Variants in CFDP1 observed in about 807,000 individuals in gnomAD.
CFDP1 encodes heterochromatin-stabilizing protein CFDP1.
CFDP1 carries 31 observed loss-of-function variants against 40.1 expected under a neutral mutation model. The observed-to-expected ratio is 0.77, with a 90% CI of 0.58 to 1.04. The LOEUF is 1.04. CFDP1 is among the 50% of genes least tolerant of loss of function. The probability of loss-of-function intolerance (pLI) is 0.00; values close to 1 mark genes in which losing one functional copy is unlikely to be tolerated. For missense variants in CFDP1, 423 were observed against 343.4 expected (o/e 1.23, Z -1.83); for synonymous variants, 167 against 120.0 (o/e 1.39, Z -2.56).
chr16:75,324,174 A>G (rs768229504), intron 5 of CFDP1, among the ~76,000 whole-genome samples: 1 of 152,146 alleles, frequency 6.6e-6, no homozygotes, highest in Non-Finnish European at 1.5e-5. Context: ...ACCATTACAC[A>G]GGAAGTGCAG....
At chr16:75,390,555 A>G (rs998250541) in intron 5 of CFDP1, among the ~76,000 whole-genome samples, 4 of 151,768 alleles carry the variant, frequency 2.6e-5, no homozygotes, top group Non-Finnish European at 5.9e-5. Flanking sequence ...GGAGTTGAGC[A>G]CTCTCTCTCT....
chr16:75,336,842 A>C (rs1226159309), intron 5 of CFDP1, among the ~76,000 whole-genome samples: 1 of 152,232 alleles, frequency 6.6e-6, no homozygotes, highest in African/African-American at 2.4e-5. Flanking sequence ...TTGTCATTTA[A>C]ATTTGTCTCT....
chr16:75,410,908 CAAAAAAAAAA>C (rs74355496), intron 4 of CFDP1, among the ~76,000 whole-genome samples: 3 of 62,592 alleles, frequency 4.8e-5, no homozygotes, highest in East Asian at 1.1e-3. Context: ...GACTCTGTCT[CAAAAAAAAAA>C]AAAAAAAAGA....
chr16:75,401,852 A>T (rs977569291), intron 4 of CFDP1, among the ~76,000 whole-genome samples: 1 of 37,380 alleles, frequency 2.7e-5, no homozygotes, highest in Non-Finnish European at 8.8e-5. Flanking sequence ...TGAACATATA[A>T]AAAAAAATAT....
intron 1 of CFDP1, among the ~76,000 whole-genome samples, chr16:75,429,927 C>T (rs921769767): frequency 6.6e-6 from 1 of 152,082 alleles, no homozygotes; most frequent in African/African-American, 2.4e-5. Context: ...CCTGAGAGCA[C>T]GCGCCCAAGG....
intron 6 of CFDP1, among the ~76,000 whole-genome samples, chr16:75,302,303 C>G (rs2078226684): frequency 6.6e-6 from 1 of 152,014 alleles, no homozygotes; most frequent in African/African-American, 2.4e-5. Context: ...CTCTTTCACC[C>G]AAGCTGAAAT....
chr16:75,390,302 G>A (rs1459335078), intron 5 of CFDP1, among the ~76,000 whole-genome samples: 1 of 152,206 alleles, frequency 6.6e-6, no homozygotes, highest in Non-Finnish European at 1.5e-5. Flanking sequence ...ACTCCACTGA[G>A]CCCTCTTCTC....
Position 75,395,130 on chromosome 16 carries a change from T to C in CFDP1, c.610A>G (p.Asn204Asp), listed in dbSNP as rs145857741. ...AGTGATGGCAGAGCTGAAGGAACAT[T>C]AGCCTGTGGTTTTTCTTTCTCATTC... ...KQNEKEKPQANVPSALPSLPA... is the reference protein window; with the variant it reads ...KQNEKEKPQADVPSALPSLPA... Residue 204 changes from asparagine to aspartate, a missense_variant, in exon 5 of 7, where the codon AAT (asparagine) becomes GAT (aspartate). Coordinates refer to ENST00000283882, the MANE Select transcript of CFDP1 (RefSeq NM_006324.3). 2.7e-4 allele frequency: 428 copies of C among 1,614,000 alleles called. No homozygotes were observed. The highest frequency in any genetic ancestry group is 1.5e-3 in the Middle Eastern group (9 of 6,060).
intron 5 of CFDP1, among the ~76,000 whole-genome samples, chr16:75,325,831 T>C (rs778367369): frequency 2.0e-5 from 3 of 152,230 alleles, no homozygotes; most frequent in Non-Finnish European, 2.9e-5. Flanking sequence ...AGCTAGGTTT[T>C]CTACAGGGGA....
chr16:75,316,354 A>T (rs1597326396), intron 5 of CFDP1, among the ~76,000 whole-genome samples: 1 of 152,228 alleles, frequency 6.6e-6, no homozygotes, highest in African/African-American at 2.4e-5. Context: ...GCCTCACTCT[A>T]TAACGTCTTC....
At chr16:75,302,426 G>A (rs1362230960) in intron 6 of CFDP1, among the ~76,000 whole-genome samples, 1 of 152,096 alleles carries the variant, frequency 6.6e-6, no homozygotes, top group Non-Finnish European at 1.5e-5. Flanking sequence ...TCCAACTAAT[G>A]TTTTTGATTT....
intron 6 of CFDP1, among the ~76,000 whole-genome samples, chr16:75,297,152 GTGTGTGTGTGTGTC>G (rs1228508213): frequency 0.023 from 3,190 of 141,690 alleles, 92 homozygotes; most frequent in South Asian, 0.053. Context: ...TTTCTTGTGT[GTGTGTGTGTGTGTC>G]TGTGTGTGTG....
chr16:75,341,203 A>C (rs2078524416), intron 5 of CFDP1, among the ~76,000 whole-genome samples: 2 of 152,122 alleles, frequency 1.3e-5, no homozygotes, highest in South Asian at 4.1e-4. Flanking sequence ...ATGAATTTTT[A>C]TGTAAATGTT....
chr16:75,315,468 T>C (rs1329674931), intron 5 of CFDP1, among the ~76,000 whole-genome samples: 1 of 152,056 alleles, frequency 6.6e-6, no homozygotes. Flanking sequence ...TTCTTCTTTG[T>C]TTTTGTAACC....
chr16:75,384,979 A>G (rs1184954483), intron 5 of CFDP1, among the ~76,000 whole-genome samples: 1 of 148,562 alleles, frequency 6.7e-6, no homozygotes, highest in Non-Finnish European at 1.5e-5. Flanking sequence ...TATACAATAT[A>G]TATGTATATA....
At position 75,414,690 on chromosome 16, in the gene CFDP1, C is replaced by G; in HGVS notation, c.70G>C (p.Glu24Gln). The change falls in exon 2 of 7, where the codon GAG (glutamate) becomes CAG (glutamine). Residue 24 changes from glutamate (E) to glutamine (Q), a missense_variant. Coordinates refer to ENST00000283882, the MANE Select transcript of CFDP1 (RefSeq NM_006324.3). ...EDEDYVPSGG[E>Q]YSEDDVNELV... is the part of the protein sequence containing the mutation. Reference sequence around the variant, plus strand: ...TCATTTACATCATCTTCACTATACTCTCCACCTGAAATCACATAACAGGGT... The same window carrying G: ...TCATTTACATCATCTTCACTATACTGTCCACCTGAAATCACATAACAGGGT... 1 of 1,597,530 alleles carries G rather than the reference C, an allele frequency of 6.3e-7. No homozygotes were observed. The highest frequency in any genetic ancestry group is 8.6e-7 in the Non-Finnish European group (1 of 1,165,228).
chr16:75,411,508 G>T (rs539263185), intron 4 of CFDP1, among the ~76,000 whole-genome samples: 41 of 152,292 alleles, frequency 2.7e-4, no homozygotes, highest in African/African-American at 9.1e-4. Context: ...TGCAGTCAAG[G>T]AGAGTAATAA....
intron 5 of CFDP1, among the ~76,000 whole-genome samples, chr16:75,370,169 T>G (rs929254239): frequency 4.6e-5 from 7 of 151,934 alleles, no homozygotes; most frequent in African/African-American, 1.7e-4. Context: ...CTTGGCTCAC[T>G]GCAACCTCTG....
chr16:75,383,433 A>C (rs375606008), intron 5 of CFDP1, among the ~76,000 whole-genome samples: 9 of 152,352 alleles, frequency 5.9e-5, no homozygotes, highest in African/African-American at 2.2e-4. Flanking sequence ...GATGAATGAC[A>C]TTCTTCCCTG....
Sources: allele counts gnomAD v4.1 joint callset (sites outside exome capture counted in the v4.1 genomes callset), GRCh38; gene constraint gnomAD v4.1.1; transcripts MANE v1.5; gene names NCBI Gene and HGNC (gene_info 2026-07-23, HGNC 2026-07-21).